SNAP25: variants seen among roughly 807,000 people sequenced by gnomAD.
SNAP25 encodes synaptosomal-associated protein 25.
A neutral mutation model predicts 28.7 loss-of-function variants in SNAP25; 3 were observed. That is an observed-to-expected ratio of 0.10 (90% CI 0.05 to 0.27). The LOEUF (loss-of-function observed/expected upper bound fraction) is 0.27. Ranked by LOEUF, SNAP25 falls within the 10% of genes least tolerant of loss-of-function variation. The probability of loss-of-function intolerance (pLI) is 1.00; values close to 1 mark genes in which losing one functional copy is unlikely to be tolerated. For missense variants in SNAP25, 117 were observed against 278.7 expected, an observed-to-expected ratio of 0.42 and a Z score of 4.13; for synonymous variants, 61 against 88.1, an observed-to-expected ratio of 0.69 and a Z score of 1.72.
chr20:10,259,450 A>G (rs1385379601), intron 1 of SNAP25, among the ~76,000 whole-genome samples: 1 of 152,240 alleles, frequency 6.6e-6, no homozygotes, highest in African/African-American at 2.4e-5. Context: ...TAAGTCCATC[A>G]GCATTCTAAT....
chr20:10,219,477 C>A (rs1195854937), intron 1 of SNAP25: 1 of 152,236 alleles, frequency 6.6e-6, no homozygotes, highest in Non-Finnish European at 1.5e-5. Context: ...GCGACAGCAG[C>A]CTCCATGCCC....
chr20:10,302,788 T>TG (rs544526834), intron 7 of SNAP25, among the ~76,000 whole-genome samples: 2 of 152,194 alleles, frequency 1.3e-5, no homozygotes, highest in South Asian at 4.2e-4. Context: ...CAGACTTTTT[T>TG]TTTTTTTTAA....
At chr20:10,284,845 C>A in intron 4 of SNAP25, 73 bp downstream of exon 4, 2 of 1,184,574 alleles carry the variant, frequency 1.7e-6, no homozygotes, top group Non-Finnish European at 2.5e-6. Context: ...TTTGTGCATA[C>A]GCAGATGGTC....
intron 7 of SNAP25, among the ~76,000 whole-genome samples, chr20:10,302,586 G>GT (rs1182141396): frequency 2.6e-5 from 4 of 152,076 alleles, no homozygotes; most frequent in Non-Finnish European, 4.4e-5. Context: ...TGGCTCTTTG[G>GT]TGGTCATCCT....
At chr20:10,222,741 T>G (rs1386789499) in intron 1 of SNAP25, among the ~76,000 whole-genome samples, 1 of 152,192 alleles carries the variant, frequency 6.6e-6, no homozygotes, top group African/African-American at 2.4e-5. Context: ...ATTGGTATCA[T>G]AAGAGATGGT....
intron 2 of SNAP25, among the ~76,000 whole-genome samples, chr20:10,277,022 G>T (rs1168050966): frequency 6.6e-6 from 1 of 152,200 alleles, no homozygotes; most frequent in Non-Finnish European, 1.5e-5. Context: ...AATCACACTG[G>T]TTGTTGGATT....
intron 7 of SNAP25, among the ~76,000 whole-genome samples, chr20:10,301,453 C>A (rs1568630899): frequency 2.6e-5 from 4 of 152,080 alleles, no homozygotes; most frequent in African/African-American, 9.7e-5. Context: ...TAAATAGAGC[C>A]CACTTCAACC....
rs370119292 is a variant in SNAP25 at position 10,306,209 on chromosome 20, C to T, written c.*12C>T. ...TGGGAAGTGGTTAAGTGTGCCCACC[C>T]GTGTTCTCCTCCAAATGCTGTCGGG... is the stretch of plus-strand genomic sequence containing the variant. On this transcript the variant is annotated 3_prime_UTR_variant, in exon 8 of 8. Transcript: ENST00000254976. The T allele has an allele frequency of 1.6e-5, 25 of 1,612,786 alleles. No individual in the cohort carries two copies. Among genetic ancestry groups the T allele is most frequent in the Admixed American group, 1.5e-4 (9 of 59,832 alleles).
At chr20:10,289,598 G>C (rs1366800897) in intron 4 of SNAP25, among the ~76,000 whole-genome samples, 1 of 151,352 alleles carries the variant, frequency 6.6e-6, no homozygotes, top group Admixed American at 6.6e-5. Context: ...ACTTAGTCAT[G>C]ATAGCCACAT....
At chr20:10,258,024 T>G (rs917237274) in intron 1 of SNAP25, among the ~76,000 whole-genome samples, 2 of 152,098 alleles carry the variant, frequency 1.3e-5, no homozygotes, top group African/African-American at 4.8e-5. Context: ...TGGATGCACA[T>G]CTTTCATTTG....
chr20:10,250,604 A>G (rs2063209206), intron 1 of SNAP25, among the ~76,000 whole-genome samples: 1 of 152,202 alleles, frequency 6.6e-6, no homozygotes, highest in African/African-American at 2.4e-5. Context: ...AATTTTTTAA[A>G]TTACTCATTG....
Position 10,263,744 on chromosome 20 carries a change from A to C in SNAP25, c.-63-11685A>C, listed in dbSNP as rs2063460110. Among the ~76,000 whole-genome samples, 3 of 152,284 alleles carry C rather than the reference A, an allele frequency of 2.0e-5. No homozygotes were observed. In the South Asian group the frequency reaches 6.2e-4, roughly 32 times the overall value. ...GGGGAAGGAAGAGACCCAAACGCAA[A>C]GGTTTCTTGCGAGAGCTCCTAAAAC... is the stretch of plus-strand genomic sequence containing the variant. On this transcript the variant is annotated intron_variant, in intron 1 of 7. Coordinates refer to ENST00000254976, the MANE Select transcript of SNAP25 (RefSeq NM_130811.4).
chr20:10,234,908 T>C (rs2062890622), intron 1 of SNAP25, among the ~76,000 whole-genome samples: 1 of 152,092 alleles, frequency 6.6e-6, no homozygotes, highest in African/African-American at 2.4e-5. Flanking sequence ...ATAAAATAAA[T>C]AGGGATTAGC....
chr20:10,234,201 TTCA>T lies in SNAP25; in HGVS notation c.-64+15228_-64+15230del, dbSNP rs1432999778. 3.3e-5 allele frequency among the ~76,000 whole-genome samples: 5 copies of T among 152,278 alleles called. No individual in the cohort carries two copies. The East Asian group carries it at 9.6e-4, about 29-fold the overall frequency. ...TATTATTTAATTTTTTTTTTTGAAC[TTCA>T]TCACAGTTCTGGAAAGGAAGATGAT... On this transcript the variant is annotated intron_variant, in intron 1 of 7. Transcript: ENST00000254976.
intron 1 of SNAP25, among the ~76,000 whole-genome samples, chr20:10,272,663 C>G (rs1275291943): frequency 6.6e-6 from 1 of 152,178 alleles, no homozygotes; most frequent in Non-Finnish European, 1.5e-5. Context: ...ATCTCACGAG[C>G]ACATGTTCTA....
At chr20:10,239,523 G>C (rs1046361574) in intron 1 of SNAP25, among the ~76,000 whole-genome samples, 1 of 152,216 alleles carries the variant, frequency 6.6e-6, no homozygotes, top group Non-Finnish European at 1.5e-5. Context: ...CTGCAGGCAG[G>C]TGTACAAGCA....
At position 10,293,096 on chromosome 20, in the gene SNAP25, C is replaced by A; in HGVS notation, c.164-65C>A. On this transcript the variant is annotated intron_variant, in intron 4 of 7. Coordinates refer to ENST00000254976, the MANE Select transcript of SNAP25 (RefSeq NM_130811.4). This position sits in a 1 kb window ranked among gnomAD's most constrained non-coding sequence, Gnocchi z 5.6. ...TCAAAGTGAATGTCTGAAGTTTTGT[C>A]TTTTTTTCTTTGTCCTTTTCCATCT... 7.1e-7 allele frequency: 1 copy of A among 1,408,976 alleles called. No homozygotes were observed. The highest frequency in any genetic ancestry group is 9.6e-7 in the Non-Finnish European group (1 of 1,045,098). 87.3% of individuals were successfully genotyped at this position (1,408,976 alleles called of 1,614,324 possible).
intron 1 of SNAP25, among the ~76,000 whole-genome samples, chr20:10,251,242 G>C (rs2063220926): frequency 6.6e-6 from 1 of 152,176 alleles, no homozygotes; most frequent in African/African-American, 2.4e-5. Flanking sequence ...TTGTCTCCAG[G>C]AGAATTTGTG....
chr20:10,288,636 A>G (rs1170176353), intron 4 of SNAP25, among the ~76,000 whole-genome samples: 2 of 152,222 alleles, frequency 1.3e-5, no homozygotes, highest in African/African-American at 4.8e-5. Context: ...CATTTCAATT[A>G]TAGCCATACC....
Sources: allele counts gnomAD v4.1 joint callset (sites outside exome capture counted in the v4.1 genomes callset), GRCh38; gene constraint gnomAD v4.1.1; non-coding constraint Gnocchi (gnomAD v3.1); transcripts MANE v1.5; gene names NCBI Gene and HGNC (gene_info 2026-07-23, HGNC 2026-07-21).